RBFOX1: variants seen among roughly 807,000 people sequenced by gnomAD.
RBFOX1 encodes RNA binding fox-1 homolog 1, also known as RNA binding protein fox-1 homolog 1.
Under a neutral mutation model 57.7 loss-of-function variants are expected in RBFOX1, and 8 were observed. That is an observed-to-expected ratio of 0.14 (90% CI 0.08 to 0.25). The LOEUF is 0.25. Ranked by LOEUF, RBFOX1 falls within the 10% of genes least tolerant of loss-of-function variation. RBFOX1 has a pLI of 1.00. For synonymous variants in RBFOX1, 326 were observed against 222.4 expected (o/e 1.47, Z -4.15); for missense variants, 611 against 548.5 (o/e 1.11, Z -1.14).
chr16:6,215,539 G>C lies in RBFOX1; in HGVS notation c.-126-101456G>C, dbSNP rs559266226. On this transcript the variant is annotated intron_variant, in intron 1 of 15. Coordinates refer to ENST00000550418, the MANE Select transcript of RBFOX1 (RefSeq NM_018723.4). The stretch of plus-strand genomic sequence containing the variant: ...CTGAGTTTGTTTATTTCCCATGAAC[G>C]CTCCCCCAAATCCCTTGGGACTAGC... Among the ~76,000 whole-genome samples the C allele has an allele frequency of 6.1e-4, 93 of 152,088 alleles. 1 individual carries two copies. The South Asian group carries it at 0.018, about 30-fold the overall frequency.
At chr16:6,719,751 G>A (rs17730711) in intron 3 of RBFOX1, among the ~76,000 whole-genome samples, 69,354 of 151,836 alleles carry the variant, frequency 0.46, 18,934 homozygotes, top group Middle Eastern at 0.67. Context: ...TGGCCAAAAT[G>A]ATGGTTTTTT....
intron 3 of RBFOX1, among the ~76,000 whole-genome samples, chr16:6,929,141 C>T (rs916004737): frequency 2.0e-5 from 3 of 152,152 alleles, no homozygotes; most frequent in Admixed American, 2.0e-4. Context: ...TTATTAAACA[C>T]ATCTCTTCTC....
chr16:6,587,112 C>T (rs4786891), intron 2 of RBFOX1, among the ~76,000 whole-genome samples: 73,700 of 151,810 alleles, frequency 0.49, 18,786 homozygotes, highest in East Asian at 0.71. Context: ...TGATGTACAA[C>T]AGGTCTGTTG....
At chr16:6,074,104 A>G (rs930554770) in intron 1 of RBFOX1, among the ~76,000 whole-genome samples, 1 of 151,958 alleles carries the variant, frequency 6.6e-6, no homozygotes, top group Non-Finnish European at 1.5e-5. Context: ...GCCCGCCACC[A>G]CGCCTGGCTA....
In RBFOX1 at chr16:7,329,095, C is replaced by G. The variant is rs191062201; in HGVS notation, c.28-189052C>G. Among the ~76,000 whole-genome samples the G allele has an allele frequency of 4.0e-3, 615 of 152,300 alleles. 5 individuals are homozygous for G. The highest frequency in any genetic ancestry group is 3.1e-3 in the Non-Finnish European group (209 of 68,030). On this transcript the variant is annotated intron_variant, in intron 4 of 15. Transcript: ENST00000550418. ...CAACGGATGCTTTTTCACGCTACAACAGCAGAATTTTGAGCAGTTGCAGCA... is the reference window on the plus strand; with the variant it reads ...CAACGGATGCTTTTTCACGCTACAAGAGCAGAATTTTGAGCAGTTGCAGCA...
chr16:5,454,377 A>T (rs2068516227), intron 1 of RBFOX1, among the ~76,000 whole-genome samples: 1 of 152,246 alleles, frequency 6.6e-6, no homozygotes, highest in Admixed American at 6.5e-5. Flanking sequence ...GCAGGTGTGA[A>T]GGTTAATTTT....
chr16:5,474,780 A>G (rs1386657991), intron 2 of RBFOX1, among the ~76,000 whole-genome samples: 1 of 152,068 alleles, frequency 6.6e-6, no homozygotes, highest in East Asian at 1.9e-4. Flanking sequence ...GTTGGTTAGG[A>G]TCTTCCAGAG....
intron 1 of RBFOX1, among the ~76,000 whole-genome samples, chr16:5,392,807 C>A (rs1012793384): frequency 1.3e-5 from 2 of 152,302 alleles, no homozygotes; most frequent in East Asian, 3.9e-4. Flanking sequence ...GCCCCTGACC[C>A]TGTGGGCAGC....
At chr16:6,331,642 T>C (rs1024982708) in intron 2 of RBFOX1, among the ~76,000 whole-genome samples, 7 of 151,696 alleles carry the variant, frequency 4.6e-5, no homozygotes, top group Non-Finnish European at 8.8e-5. Flanking sequence ...TGTTAATCTA[T>C]CTTCTGTTTT....
chr16:6,478,388 A>AT (rs2095307860), intron 2 of RBFOX1, among the ~76,000 whole-genome samples: 1 of 41,572 alleles, frequency 2.4e-5, no homozygotes, highest in Non-Finnish European at 4.2e-5. Context: ...ACACCCAGCT[A>AT]ATATATATAT....
intron 2 of RBFOX1, among the ~76,000 whole-genome samples, chr16:6,539,291 C>G (rs1433945534): frequency 6.6e-6 from 1 of 152,092 alleles, no homozygotes; most frequent in African/African-American, 2.4e-5. Flanking sequence ...TTCCTTGTGC[C>G]TCTGTTTTCC....
At chr16:5,799,053 A>G (rs2054973263) in intron 3 of RBFOX1, among the ~76,000 whole-genome samples, 1 of 152,174 alleles carries the variant, frequency 6.6e-6, no homozygotes, top group South Asian at 2.1e-4. Context: ...GGTAATTTGT[A>G]AAGAAAAAGA....
intron 4 of RBFOX1, among the ~76,000 whole-genome samples, chr16:7,321,738 C>T (rs965977139): frequency 6.6e-6 from 1 of 152,258 alleles, no homozygotes; most frequent in African/African-American, 2.4e-5. Flanking sequence ...AATAGATTGT[C>T]ATGTAAGAGC....
At position 5,463,920 on chromosome 16, in the gene RBFOX1, G is replaced by T. The variant is rs2068874070; in HGVS notation, c.220-3296G>T. Among the ~76,000 whole-genome samples, 7 of 152,294 alleles carry T rather than the reference G, an allele frequency of 4.6e-5. No homozygotes were observed. The South Asian group carries it at 1.4e-3, about 32-fold the overall frequency. ...GAACAAATTTGCTTTCAGCCAAATTGTGTTCAGCAGAACAAAGAGAGGTGT... is the reference window on the plus strand; with the variant it reads ...GAACAAATTTGCTTTCAGCCAAATTTTGTTCAGCAGAACAAAGAGAGGTGT... On this transcript the variant is annotated intron_variant, in intron 1 of 2. Transcript: ENST00000585867.
chr16:6,577,573 C>G (rs1205668930), intron 2 of RBFOX1, among the ~76,000 whole-genome samples: 3 of 152,184 alleles, frequency 2.0e-5, no homozygotes, highest in South Asian at 4.1e-4. Context: ...CACTGAGGTT[C>G]TGGGACACTC....
intron 3 of RBFOX1, among the ~76,000 whole-genome samples, chr16:6,802,901 G>C (rs533221130): frequency 6.6e-6 from 1 of 152,172 alleles, no homozygotes; most frequent in South Asian, 2.1e-4. Context: ...GTGCAAAGAA[G>C]TTATTTTAGT....
At chr16:6,787,999 G>GT (rs962932124) in intron 3 of RBFOX1, among the ~76,000 whole-genome samples, 20 of 152,092 alleles carry the variant, frequency 1.3e-4, no homozygotes, top group South Asian at 8.3e-4. Context: ...GAGGTGGGGG[G>GT]ACCGCTTGAG....
chr16:5,600,913 C>A (rs956860959), downstream of RBFOX1, among the ~76,000 whole-genome samples: 1 of 152,150 alleles, frequency 6.6e-6, no homozygotes, highest in Admixed American at 6.5e-5. Flanking sequence ...TTTTTATCCT[C>A]ATTTTGTGGC....
intron 3 of RBFOX1, among the ~76,000 whole-genome samples, chr16:6,786,582 TAATA>T (rs1468630443): frequency 3.3e-5 from 5 of 152,074 alleles, no homozygotes; most frequent in Non-Finnish European, 7.4e-5. Context: ...CAAAAATTAA[TAATA>T]AGGACAAAGC....
Sources: gnomAD v4.1 joint callset for allele counts (sites outside exome capture counted in the v4.1 genomes callset) on GRCh38, gnomAD v4.1.1 for gene constraint, MANE v1.5 for transcripts, NCBI Gene and HGNC (gene_info 2026-07-23, HGNC 2026-07-21) for gene names.